RBFOX1: variants seen among roughly 807,000 people sequenced by gnomAD.
RBFOX1 encodes the protein RNA binding protein fox-1 homolog 1.
A neutral mutation model predicts 57.7 loss-of-function variants in RBFOX1; 8 were observed. That is an observed-to-expected ratio of 0.14 (90% CI 0.08 to 0.25). RBFOX1 has a LOEUF of 0.25. RBFOX1 is among the 10% of genes least tolerant of loss of function. RBFOX1 has a pLI of 1.00. For missense variants in RBFOX1, 611 were observed against 548.5 expected, an observed-to-expected ratio of 1.11 and a Z score of -1.14; for synonymous variants, 326 against 222.4, an observed-to-expected ratio of 1.47 and a Z score of -4.15.
At chr16:5,256,227 A>C (rs2062587796) in intron 1 of RBFOX1, among the ~76,000 whole-genome samples, 1 of 152,190 alleles carries the variant, frequency 6.6e-6, no homozygotes, top group African/African-American at 2.4e-5. Context: ...TGGGATGGGT[A>C]GTAGTTGGAG....
chr16:5,506,748 TC>T (rs2043393580), intron 2 of RBFOX1, among the ~76,000 whole-genome samples: 1 of 152,130 alleles, frequency 6.6e-6, no homozygotes, highest in African/African-American at 2.4e-5. Context: ...ACCCCTTCTT[TC>T]TTGAAATGTT....
At chr16:5,327,112 A>G (rs2151264729) in intron 1 of RBFOX1, among the ~76,000 whole-genome samples, 1 of 152,288 alleles carries the variant, frequency 6.6e-6, no homozygotes, top group African/African-American at 2.4e-5. Flanking sequence ...AATACTTATT[A>G]TTTATGGAAC....
intron 3 of RBFOX1, among the ~76,000 whole-genome samples, chr16:6,764,733 A>C (rs2077088563): frequency 6.6e-6 from 1 of 152,052 alleles, no homozygotes. Context: ...GGTCAGGTGT[A>C]CGAGACCAAC....
At chr16:5,523,241 G>T (rs562852991) in intron 2 of RBFOX1, among the ~76,000 whole-genome samples, 1 of 151,860 alleles carries the variant, frequency 6.6e-6, no homozygotes, top group African/African-American at 2.4e-5. Context: ...AGCCGAGATC[G>T]CGCCATGGCA....
chr16:5,565,184 A>G (rs2046020525), intron 2 of RBFOX1, among the ~76,000 whole-genome samples: 1 of 152,154 alleles, frequency 6.6e-6, no homozygotes, highest in Non-Finnish European at 1.5e-5. Context: ...AGGGTTCAGA[A>G]CTAATAAGGT....
chr16:7,473,211 C>G (rs2061919670), intron 4 of RBFOX1, among the ~76,000 whole-genome samples: 1 of 151,928 alleles, frequency 6.6e-6, no homozygotes, highest in African/African-American at 2.4e-5. Flanking sequence ...AACGCCATTT[C>G]TACTAAAAAC....
intron 2 of RBFOX1, among the ~76,000 whole-genome samples, chr16:6,342,486 T>A (rs965855919): frequency 1.3e-5 from 2 of 152,118 alleles, no homozygotes; most frequent in African/African-American, 2.4e-5. Flanking sequence ...ACAACCTTGA[T>A]AAGGTTCCTG....
At chr16:7,181,993 G>A (rs191569715) in intron 4 of RBFOX1, among the ~76,000 whole-genome samples, 24 of 152,298 alleles carry the variant, frequency 1.6e-4, no homozygotes, top group African/African-American at 5.8e-4. Context: ...TGAATAACAA[G>A]CATACCACTG....
intron 4 of RBFOX1, among the ~76,000 whole-genome samples, chr16:5,934,109 A>G (rs917831590): frequency 2.6e-5 from 4 of 152,238 alleles, no homozygotes; most frequent in African/African-American, 9.7e-5. Context: ...TGTTCCTGCC[A>G]CAAGGTGGTT....
chr16:5,327,878 T>G (rs1351420200), intron 1 of RBFOX1, among the ~76,000 whole-genome samples: 1 of 152,216 alleles, frequency 6.6e-6, no homozygotes, highest in Non-Finnish European at 1.5e-5. Context: ...TTCTGTGGTC[T>G]GGGAGGGATG....
intron 4 of RBFOX1, among the ~76,000 whole-genome samples, chr16:7,419,944 TA>T (rs373054825): frequency 0.022 from 1,951 of 87,804 alleles, 57 homozygotes; most frequent in African/African-American, 0.068. Flanking sequence ...TTTTTTTTTT[TA>T]ATTGTTTTGG....
chr16:6,409,698 G>A (rs1352338587), intron 2 of RBFOX1, among the ~76,000 whole-genome samples: 1 of 152,118 alleles, frequency 6.6e-6, no homozygotes, highest in Non-Finnish European at 1.5e-5. Flanking sequence ...AAAGGTTTCG[G>A]CTAAAATTTA....
chr16:7,260,563 C>G (rs1490228115), intron 4 of RBFOX1, among the ~76,000 whole-genome samples: 2 of 152,100 alleles, frequency 1.3e-5, no homozygotes, highest in Non-Finnish European at 1.5e-5. Flanking sequence ...GGGAATAACT[C>G]ATCGCATCTC....
chr16:7,687,423 C>G (rs1434414785), intron 14 of RBFOX1, among the ~76,000 whole-genome samples: 1 of 152,022 alleles, frequency 6.6e-6, no homozygotes, highest in Non-Finnish European at 1.5e-5. Flanking sequence ...AGCATAGCAT[C>G]AGACCCCTTA....
chr16:5,739,628 C>A (rs929469), intron 3 of RBFOX1, among the ~76,000 whole-genome samples: 42,090 of 152,144 alleles, frequency 0.28, 6,338 homozygotes, highest in East Asian at 0.58. Context: ...CAGACAGAGA[C>A]GGATGTTTAA....
intron 4 of RBFOX1, among the ~76,000 whole-genome samples, chr16:6,000,767 G>A (rs1161686750): frequency 2.7e-5 from 4 of 150,072 alleles, no homozygotes; most frequent in African/African-American, 9.8e-5. Context: ...GTGGGTAGGT[G>A]GACAGGTAGA....
chr16:6,790,721 C>T (rs920939564), intron 3 of RBFOX1, among the ~76,000 whole-genome samples: 2 of 152,098 alleles, frequency 1.3e-5, no homozygotes, highest in East Asian at 3.9e-4. Flanking sequence ...TCCATCCCTC[C>T]TCTTCTTCTT....
intron 4 of RBFOX1, among the ~76,000 whole-genome samples, chr16:7,489,521 T>G (rs575103781): frequency 2.0e-5 from 3 of 151,990 alleles, no homozygotes; most frequent in Non-Finnish European, 2.9e-5. Context: ...TATTATTTTT[T>G]TTTTGAGATA....
intron 12 of RBFOX1, among the ~76,000 whole-genome samples, chr16:7,657,691 G>A (rs1264649162): frequency 6.6e-6 from 1 of 152,190 alleles, no homozygotes; most frequent in African/African-American, 2.4e-5. Flanking sequence ...AAGAACATCG[G>A]TTATGAAGAG....
Sources: allele counts gnomAD v4.1 joint callset (sites outside exome capture counted in the v4.1 genomes callset), GRCh38; gene constraint gnomAD v4.1.1; transcripts MANE v1.5; gene names NCBI Gene and HGNC (gene_info 2026-07-23, HGNC 2026-07-21).